CPAP: variants seen among roughly 807,000 people sequenced by gnomAD.
The protein encoded by CPAP is centrosome assembly and centriole elongation protein.
At chr13:24,904,804 C>T in the CPAP span, among the ~76,000 whole-genome samples, 2 of 152,092 alleles carry the variant, frequency 1.3e-5, no homozygotes, top group African/African-American at 2.4e-5. Flanking sequence ...CACCTATGCT[C>T]TGCTAGTTTA....
chr13:24,909,605 C>T, the CPAP span, among the ~76,000 whole-genome samples: 1 of 151,758 alleles, frequency 6.6e-6, no homozygotes, highest in Non-Finnish European at 1.5e-5. Context: ...TGCCTATAGT[C>T]CCAGCTACCT....
chr13:24,912,142 C>T, the CPAP span: 1 of 1,392,428 alleles, frequency 7.2e-7, no homozygotes. Context: ...CCCTTAATTC[C>T]TCCCATCTCC....
the CPAP span, among the ~76,000 whole-genome samples, chr13:24,930,429 G>T: frequency 6.6e-6 from 1 of 152,120 alleles, no homozygotes; most frequent in Non-Finnish European, 1.5e-5. Flanking sequence ...ACTGAGCATT[G>T]TACCAATAGT....
chr13:24,896,752 G>A, the CPAP span, among the ~76,000 whole-genome samples: 1 of 152,226 alleles, frequency 6.6e-6, no homozygotes, highest in Non-Finnish European at 1.5e-5. Context: ...GTGGTCTAAG[G>A]AGGTTATTTA....
the CPAP span, among the ~76,000 whole-genome samples, chr13:24,917,824 C>T: frequency 1.3e-5 from 2 of 152,116 alleles, no homozygotes; most frequent in African/African-American, 4.8e-5. Context: ...AAGTGTTGTC[C>T]CATGGGGGAA....
chr13:24,900,703 A>G, the CPAP span, among the ~76,000 whole-genome samples: 1 of 152,170 alleles, frequency 6.6e-6, no homozygotes, highest in Non-Finnish European at 1.5e-5. Context: ...CTGGCTCTGG[A>G]TGTGTGTGAA....
chr13:24,907,875 A>G, the CPAP span: 36 of 664,942 alleles, frequency 5.4e-5, no homozygotes, highest in South Asian at 5.7e-4. Flanking sequence ...GACAGTACAT[A>G]ATAGGTTGTA....
At chr13:24,910,795 T>G in the CPAP span, among the ~76,000 whole-genome samples, 1 of 152,230 alleles carries the variant, frequency 6.6e-6, no homozygotes, top group Admixed American at 6.5e-5. Context: ...ATTCTTTGTA[T>G]GTATTCCATA....
chr13:24,917,779 C>G, the CPAP span, among the ~76,000 whole-genome samples: 2 of 152,176 alleles, frequency 1.3e-5, no homozygotes, highest in Non-Finnish European at 2.9e-5. Flanking sequence ...AGTTCTGGAG[C>G]TGGGAAAAAC....
chr13:24,906,117 CCAAATCCTCACTGCGGTTA>C, the CPAP span: 2 of 1,612,688 alleles, frequency 1.2e-6, no homozygotes, highest in Non-Finnish European at 1.7e-6. Flanking sequence ...GCAGTGTGGT[CCAAATCCTCACTGCGGTTA>C]CAATGACTAA....
the CPAP span, chr13:24,884,340 T>A: frequency 6.2e-7 from 1 of 1,614,226 alleles, no homozygotes; most frequent in Non-Finnish European, 8.5e-7. Context: ...TGGTCTGGCA[T>A]GACCTGCTTC....
chr13:24,884,708 A>C, the CPAP span, among the ~76,000 whole-genome samples: 1 of 152,220 alleles, frequency 6.6e-6, no homozygotes, highest in Admixed American at 6.5e-5. Context: ...GTTACCCTAA[A>C]GTAGACTTTG....
the CPAP span, among the ~76,000 whole-genome samples, chr13:24,899,738 T>C: frequency 1.3e-5 from 2 of 152,156 alleles, 1 homozygote; most frequent in South Asian, 4.1e-4. Context: ...AAAGCATTCA[T>C]CCAATAAGCA....
At chr13:24,925,660 A>G in the CPAP span, among the ~76,000 whole-genome samples, 1 of 152,326 alleles carries the variant, frequency 6.6e-6, no homozygotes, top group Non-Finnish European at 1.5e-5. Flanking sequence ...AATGATTCCT[A>G]TAGATCAGTC....
chr13:24,904,800 T>C, the CPAP span, among the ~76,000 whole-genome samples: 8 of 152,210 alleles, frequency 5.3e-5, no homozygotes, highest in African/African-American at 1.9e-4. Context: ...AAAGCACCTA[T>C]GCTCTGCTAG....
chr13:24,900,748 G>A, the CPAP span, among the ~76,000 whole-genome samples: 2 of 152,232 alleles, frequency 1.3e-5, no homozygotes, highest in Non-Finnish European at 2.9e-5. Context: ...GACCTGCTAG[G>A]AAGTGAATTT....
chr13:24,914,457 G>A, the CPAP span, among the ~76,000 whole-genome samples: 1 of 151,900 alleles, frequency 6.6e-6, no homozygotes, highest in South Asian at 2.1e-4. Flanking sequence ...CCAAACATCC[G>A]AGCCCCAAAA....
chr13:24,926,832 A>T, the CPAP span, among the ~76,000 whole-genome samples: 808 of 152,302 alleles, frequency 5.3e-3, 22 homozygotes, highest in East Asian at 0.081. Context: ...GATAAGAAAA[A>T]GCATTAGAGA....
the CPAP span, among the ~76,000 whole-genome samples, chr13:24,916,839 G>C: frequency 6.6e-6 from 1 of 152,210 alleles, no homozygotes; most frequent in Non-Finnish European, 1.5e-5. Flanking sequence ...TTATGCAACT[G>C]TTAAAAAGAA....
Sources: gnomAD v4.1 joint callset for allele counts (sites outside exome capture counted in the v4.1 genomes callset) on GRCh38, gnomAD v4.1.1 for gene constraint, MANE v1.5 for transcripts, NCBI Gene and HGNC (gene_info 2026-07-23, HGNC 2026-07-21) for gene names.